The following PRKCA variants were observed in gnomAD, a reference collection of about 807,000 sequenced individuals.
PRKCA encodes protein kinase C alpha, also known as protein kinase C alpha type.
A neutral mutation model predicts 87.0 loss-of-function variants in PRKCA; 27 were observed. The observed-to-expected ratio is 0.31, with a 90% CI of 0.23 to 0.43. The LOEUF (loss-of-function observed/expected upper bound fraction) is 0.43. Among genes scored for constraint, PRKCA ranks in the 20% least tolerant of loss-of-function variants. The pLI is 1.00. For synonymous variants in PRKCA, 329 were observed against 311.1 expected, an observed-to-expected ratio of 1.06 and a Z score of -0.61; for missense variants, 518 against 852.3, an observed-to-expected ratio of 0.61 and a Z score of 4.88.
chr17:66,527,935 C>T (rs534572115), intron 3 of PRKCA, among the ~76,000 whole-genome samples: 14 of 152,278 alleles, frequency 9.2e-5, no homozygotes, highest in Non-Finnish European at 1.5e-4. Context: ...CGGTAGCTCA[C>T]GCCTGAAATC....
chr17:66,412,420 A>T (rs1045598732), intron 2 of PRKCA, among the ~76,000 whole-genome samples: 25 of 152,132 alleles, frequency 1.6e-4, no homozygotes, highest in African/African-American at 5.8e-4. Flanking sequence ...CGACTGACAA[A>T]TCAGTTTTTC....
intron 2 of PRKCA, among the ~76,000 whole-genome samples, chr17:66,315,222 T>G (rs1478507373): frequency 6.6e-6 from 1 of 152,164 alleles, no homozygotes; most frequent in Non-Finnish European, 1.5e-5. Context: ...TCTGAAGAGA[T>G]AGGCAGTGTT....
chr17:66,492,333 C>T (rs758435360), intron 2 of PRKCA, among the ~76,000 whole-genome samples: 5 of 152,284 alleles, frequency 3.3e-5, no homozygotes, highest in South Asian at 2.1e-4. Flanking sequence ...GGATAACATT[C>T]GGCATGAGTT....
intron 2 of PRKCA, among the ~76,000 whole-genome samples, chr17:66,468,735 A>G (rs1165882297): frequency 2.0e-5 from 3 of 152,058 alleles, no homozygotes; most frequent in Non-Finnish European, 4.4e-5. Flanking sequence ...GGAAAGTGGG[A>G]GGGGCGAGAG....
intron 3 of PRKCA, among the ~76,000 whole-genome samples, chr17:66,553,350 C>G (rs978504388): frequency 2.0e-5 from 3 of 152,164 alleles, no homozygotes; most frequent in African/African-American, 2.4e-5. Context: ...TCTTCTCTAG[C>G]AAATAAATAA....
chr17:66,534,613 G>A lies in PRKCA; in HGVS notation c.288+38330G>A, dbSNP rs530440184. 3.3e-4 allele frequency among the ~76,000 whole-genome samples: 51 copies of A among 152,272 alleles called. No individual in the cohort carries two copies. In the East Asian group the frequency reaches 9.3e-3, roughly 28 times the overall value. On this transcript the variant is annotated intron_variant, in intron 3 of 16. Coordinates refer to ENST00000413366, the MANE Select transcript of PRKCA (RefSeq NM_002737.3). ...ACCCGGGAGGCGGAGCTTGCAGTGAGCCGAGATCACGCCACTGCACTCCAG... is the reference window on the plus strand; with the variant it reads ...ACCCGGGAGGCGGAGCTTGCAGTGAACCGAGATCACGCCACTGCACTCCAG...
intron 2 of PRKCA, among the ~76,000 whole-genome samples, chr17:66,442,993 C>T (rs996902209): frequency 5.9e-5 from 9 of 152,182 alleles, no homozygotes; most frequent in South Asian, 2.1e-4. Flanking sequence ...GGAGCCCTGG[C>T]CATCGTCCCT....
chr17:66,664,717 G>T (rs188546714), intron 5 of PRKCA, among the ~76,000 whole-genome samples: 2 of 131,586 alleles, frequency 1.5e-5, no homozygotes, highest in Admixed American at 1.8e-4. Context: ...GCAGTGTTGC[G>T]ATCATAGCTC....
intron 2 of PRKCA, among the ~76,000 whole-genome samples, chr17:66,308,857 T>G (rs1228334954): frequency 6.6e-6 from 1 of 151,378 alleles, no homozygotes; most frequent in African/African-American, 2.4e-5. Context: ...TATCGTAGAG[T>G]GAAGTTTTCT....
chr17:66,588,716 C>T (rs747648180), intron 3 of PRKCA, among the ~76,000 whole-genome samples: 2 of 135,134 alleles, frequency 1.5e-5, no homozygotes, highest in Non-Finnish European at 3.1e-5. Context: ...TGTCAGCTCA[C>T]TGCAACCTCT....
chr17:66,326,107 T>G (rs1486150090), intron 2 of PRKCA, among the ~76,000 whole-genome samples: 1 of 152,204 alleles, frequency 6.6e-6, no homozygotes, highest in East Asian at 1.9e-4. Context: ...CTTTTCTCAT[T>G]TAATCTTCAC....
intron 3 of PRKCA, among the ~76,000 whole-genome samples, chr17:66,563,770 A>T (rs1237652769): frequency 6.6e-6 from 1 of 152,208 alleles, no homozygotes; most frequent in African/African-American, 2.4e-5. Flanking sequence ...GAACAGTTGA[A>T]ATGCGGCTGG....
chr17:66,427,213 G>A (rs1038881447), intron 2 of PRKCA, among the ~76,000 whole-genome samples: 8 of 152,026 alleles, frequency 5.3e-5, no homozygotes, highest in East Asian at 3.9e-4. Flanking sequence ...TGTATTTCTC[G>A]TAGAGACGAG....
chr17:66,523,093 G>A (rs2144228298), intron 3 of PRKCA, among the ~76,000 whole-genome samples: 1 of 152,280 alleles, frequency 6.6e-6, no homozygotes, highest in East Asian at 1.9e-4. Context: ...TCTGAAGTGT[G>A]TGTGGCCTGA....
chr17:66,487,869 A>G (rs1916052266), intron 2 of PRKCA, among the ~76,000 whole-genome samples: 1 of 152,074 alleles, frequency 6.6e-6, no homozygotes, highest in African/African-American at 2.4e-5. Context: ...TTGAGTGAAG[A>G]GTTTGAGAAT....
chr17:66,452,704 T>A (rs1356667059), intron 2 of PRKCA, among the ~76,000 whole-genome samples: 1 of 151,876 alleles, frequency 6.6e-6, no homozygotes, highest in Admixed American at 6.6e-5. Context: ...AAAACATAAC[T>A]AGACAAAAAA....
intron 2 of PRKCA, among the ~76,000 whole-genome samples, chr17:66,414,637 A>G (rs1024067891): frequency 7.2e-5 from 11 of 152,180 alleles, no homozygotes; most frequent in African/African-American, 2.7e-4. Flanking sequence ...ATATGGTATG[A>G]CCAGCTTGGC....
intron 2 of PRKCA, among the ~76,000 whole-genome samples, chr17:66,357,214 G>A (rs1334427816): frequency 1.3e-5 from 2 of 152,210 alleles, no homozygotes; most frequent in African/African-American, 4.8e-5. Flanking sequence ...ATAGGAACTG[G>A]TGGAAGGAGA....
chr17:66,573,485 C>T (rs759844712), intron 3 of PRKCA, among the ~76,000 whole-genome samples: 7 of 152,136 alleles, frequency 4.6e-5, no homozygotes, highest in African/African-American at 9.7e-5. Flanking sequence ...AGTACCTAAA[C>T]GCAACCATCT....
Sources: allele counts gnomAD v4.1 joint callset (sites outside exome capture counted in the v4.1 genomes callset), GRCh38; gene constraint gnomAD v4.1.1; transcripts MANE v1.5; gene names NCBI Gene and HGNC (gene_info 2026-07-23, HGNC 2026-07-21).